The following SLC38A10 variants were observed in gnomAD, a reference collection of about 807,000 sequenced individuals.
The protein encoded by SLC38A10 is solute carrier family 38 member 10.
Under a neutral mutation model 81.0 loss-of-function variants are expected in SLC38A10, and 53 were observed. The observed-to-expected ratio is 0.65, with a 90% CI of 0.53 to 0.82. SLC38A10 has a LOEUF of 0.82. Ranked by LOEUF, SLC38A10 falls within the 40% of genes least tolerant of loss-of-function variation. SLC38A10 has a pLI of 0.00. For missense variants in SLC38A10, 1,471 were observed against 1,545.0 expected, an observed-to-expected ratio of 0.95 and a Z score of 0.80; for synonymous variants, 665 against 655.3, an observed-to-expected ratio of 1.01 and a Z score of -0.23.
chr17:81,262,569 A>T (rs951063563), intron 10 of SLC38A10, among the ~76,000 whole-genome samples: 2 of 152,234 alleles, frequency 1.3e-5, no homozygotes, highest in Non-Finnish European at 1.5e-5. Flanking sequence ...TACAAAAAAA[A>T]ATTTATCTCC....
intron 1 of SLC38A10, among the ~76,000 whole-genome samples, chr17:81,290,211 G>C (rs1471887079): frequency 6.6e-6 from 1 of 152,190 alleles, no homozygotes; most frequent in African/African-American, 2.4e-5. Flanking sequence ...GTTCTCATAA[G>C]TTAAATAGAC....
At chr17:81,273,763 G>A (rs2063137347) in intron 8 of SLC38A10, among the ~76,000 whole-genome samples, 1 of 152,292 alleles carries the variant, frequency 6.6e-6, no homozygotes, top group Non-Finnish European at 1.5e-5. Flanking sequence ...GAAGACTGTC[G>A]TGAGATGGTT....
chr17:81,246,056 C>A lies in SLC38A10; in HGVS notation c.2860G>T (p.Ala954Ser), dbSNP rs1284638241. ...CGCAGTTCCGGCTGGCGTAACACAGCCTGGGGCTGTGCAGCTGCTCCTTCC... is the reference window on the plus strand; with the variant it reads ...CGCAGTTCCGGCTGGCGTAACACAGACTGGGGCTGTGCAGCTGCTCCTTCC... ...GAEGAAAQPQAVLRQPELRVI... is the reference protein window; with the variant it reads ...GAEGAAAQPQSVLRQPELRVI... Residue 954 changes from alanine (A) to serine (S), a missense_variant, in exon 16 of 16, where the codon GCT (alanine) becomes TCT (serine). Transcript: ENST00000374759. 1 of 1,609,770 alleles carries A rather than the reference C, an allele frequency of 6.2e-7. No homozygotes were observed. The highest frequency in any genetic ancestry group is 2.2e-5 in the East Asian group (1 of 44,870).
At chr17:81,278,426 T>G (rs183714561) in intron 6 of SLC38A10, among the ~76,000 whole-genome samples, 10 of 152,252 alleles carry the variant, frequency 6.6e-5, no homozygotes, top group Non-Finnish European at 1.3e-4. Flanking sequence ...GAGAAGGTCC[T>G]GCCAGCAGCT....
chr17:81,292,494 C>A (rs1247925484), intron 1 of SLC38A10, among the ~76,000 whole-genome samples: 4 of 152,012 alleles, frequency 2.6e-5, no homozygotes, highest in Non-Finnish European at 4.4e-5. Flanking sequence ...TTTTTCAATG[C>A]CAAGGCTGCC....
At position 81,245,856 on chromosome 17, in the gene SLC38A10, CAGCTCT is replaced by C; in HGVS notation, c.3054_3059del (p.Glu1019_Leu1020del). 6.2e-7 allele frequency: 1 copy of C among 1,612,262 alleles called. No homozygotes were observed. Among genetic ancestry groups the C allele is most frequent in the Non-Finnish European group, 8.5e-7 (1 of 1,179,616 alleles). On this transcript the variant is annotated inframe_deletion, in exon 16 of 16. Transcript: ENST00000374759. ...CCCCCGGGACAGCTCGTTTGAGCCC[CAGCTCT>C]GGCTCTGGCCTCTGCCTGGGCTCCT...
At chr17:81,254,630 G>C (rs947409823) in intron 11 of SLC38A10, among the ~76,000 whole-genome samples, 4 of 152,198 alleles carry the variant, frequency 2.6e-5, no homozygotes, top group African/African-American at 9.6e-5. Context: ...ATCTTTAGTA[G>C]AGACAGGGTT....
At chr17:81,266,671 TC>T (rs1473543614) in intron 10 of SLC38A10, among the ~76,000 whole-genome samples, 1 of 146,474 alleles carries the variant, frequency 6.8e-6, no homozygotes, top group Non-Finnish European at 1.5e-5. Context: ...GGAAAAGAGA[TC>T]CCAGGATAGC....
In SLC38A10 at chr17:81,265,619, A is replaced by G. The variant is rs1006622226; in HGVS notation, c.1132-5225T>C. ...TCTTCCTGAGGTCCCTGGGCTGGGT[A>G]CAGGCACCATATCGCTGAGAGTACT... On this transcript the variant is annotated intron_variant, in intron 10 of 15. Transcript: ENST00000374759. The surrounding 1 kb of genome is among the most constrained non-coding windows in gnomAD (Gnocchi z 4.2). 3.3e-5 allele frequency among the ~76,000 whole-genome samples: 5 copies of G among 152,172 alleles called. No homozygotes were observed. Among genetic ancestry groups the G allele is most frequent in the Non-Finnish European group, 7.4e-5 (5 of 68,022 alleles).
chr17:81,257,635 G>C lies in SLC38A10; in HGVS notation c.1288+2603C>G, dbSNP rs570795633. Among the ~76,000 whole-genome samples, 19 of 152,320 alleles carry C rather than the reference G, an allele frequency of 1.2e-4. No homozygotes were observed. In the South Asian group the frequency reaches 3.3e-3, roughly 27 times the overall value. ...CATGGGGGCTGTGTGTCCCCGCTTG[G>C]GCCTGAGCACACAGAACTGTGGCCA... On this transcript the variant is annotated intron_variant, in intron 11 of 15. Transcript: ENST00000374759.
chr17:81,246,380 C>A lies in SLC38A10; in HGVS notation c.2536G>T (p.Gly846Cys). ...GQKDAAPRAAGTVKELPKGPE... is the reference protein window; with the variant it reads ...GQKDAAPRAACTVKELPKGPE... ...CCCTTGGGGAGCTCCTTCACAGTGC[C>A]AGCTGCCCTGGGGGCGGCATCCTTC... The change falls in exon 16 of 16, where the codon GGC (glycine) becomes TGC (cysteine). Residue 846 changes from glycine (G) to cysteine (C), a missense_variant. This residue lies in a region of SLC38A10 where 751 missense variants were observed against 717.4 expected (regional missense o/e 1.05). Coordinates refer to ENST00000374759, the MANE Select transcript of SLC38A10 (RefSeq NM_001037984.3). The A allele has an allele frequency of 1.2e-6, 2 of 1,601,290 alleles. No individual in the cohort carries two copies. Among genetic ancestry groups the A allele is most frequent in the East Asian group, 2.2e-5 (1 of 44,758 alleles).
intron 1 of SLC38A10, among the ~76,000 whole-genome samples, chr17:81,290,201 G>A (rs750540633): frequency 7.9e-5 from 12 of 152,148 alleles, no homozygotes; most frequent in South Asian, 2.1e-4. Flanking sequence ...CATTTTCCCC[G>A]TTCTCATAAG....
At chr17:81,273,959 C>T (rs1158740378) in intron 8 of SLC38A10, among the ~76,000 whole-genome samples, 3 of 152,210 alleles carry the variant, frequency 2.0e-5, no homozygotes, top group Non-Finnish European at 2.9e-5. Flanking sequence ...CAGCCACGGG[C>T]GCTGACGGAG....
chr17:81,253,510 G>A lies in SLC38A10; in HGVS notation c.1289-270C>T, dbSNP rs757205170. On this transcript the variant is annotated intron_variant, in intron 11 of 15. Transcript: ENST00000374759. The surrounding 1 kb of genome is among the most constrained non-coding windows in gnomAD (Gnocchi z 4.1). The stretch of plus-strand genomic sequence containing the variant: ...TACTCAGTCATTACCACCAGATGGC[G>A]GCACGAGCCCACCGACCCACTCTCC... 6.6e-5 allele frequency among the ~76,000 whole-genome samples: 10 copies of A among 151,842 alleles called. No individual in the cohort carries two copies. The highest frequency in any genetic ancestry group is 3.9e-4 in the Admixed American group (6 of 15,234).
Position 81,265,995 on chromosome 17 carries a change from A to G in SLC38A10, c.1131+4923T>C, listed in dbSNP as rs1321404842. ...GACATGGCAAAGCAGGCACAGAGAG[A>G]TGCTTCTTTCACCCAATTCTGTGTG... On this transcript the variant is annotated intron_variant, in intron 10 of 15. Transcript: ENST00000374759. The surrounding 1 kb of genome is among the most constrained non-coding windows in gnomAD (Gnocchi z 4.2). Among the ~76,000 whole-genome samples the G allele has an allele frequency of 6.6e-6, 1 of 152,218 alleles. No homozygotes were observed. Among genetic ancestry groups the G allele is most frequent in the Non-Finnish European group, 1.5e-5 (1 of 68,032 alleles).
Position 81,245,626 on chromosome 17 carries a change from G to T in SLC38A10, c.3290C>A (p.Ala1097Glu), listed in dbSNP as rs778072047. The change falls in exon 16 of 16, where the codon GCG becomes GAG. Residue 1097 changes from alanine to glutamate, a missense_variant. By Grantham distance (107) the Ala-to-Glu change is moderately radical. Coordinates refer to ENST00000374759, the MANE Select transcript of SLC38A10 (RefSeq NM_001037984.3). ...GALDAQLRQAAGGALQVVHSR... is the reference protein window; with the variant it reads ...GALDAQLRQAEGGALQVVHSR... ...GTGGACCACCTGCAGAGCTCCCCCCGCAGCCTGGCGGAGCTGGGCATCCAG... is the reference window on the plus strand; with the variant it reads ...GTGGACCACCTGCAGAGCTCCCCCCTCAGCCTGGCGGAGCTGGGCATCCAG... 6.2e-7 allele frequency: 1 copy of T among 1,612,220 alleles called. No homozygotes were observed. Among genetic ancestry groups the T allele is most frequent in the Non-Finnish European group, 8.5e-7 (1 of 1,179,748 alleles).
chr17:81,278,084 C>T (rs980907109), intron 6 of SLC38A10, among the ~76,000 whole-genome samples: 6 of 152,152 alleles, frequency 3.9e-5, no homozygotes, highest in Admixed American at 3.9e-4. Flanking sequence ...ACCAGCACAG[C>T]GGCCAGCGGA....
Position 81,277,270 on chromosome 17 carries a change from T to C in SLC38A10, c.627-137A>G. 1.3e-6 allele frequency: 1 copy of C among 758,418 alleles called. No individual in the cohort carries two copies. The highest frequency in any genetic ancestry group is 1.6e-5 in the South Asian group (1 of 61,966). 47.0% of individuals were successfully genotyped at this position (758,418 alleles called of 1,614,324 possible). A position where few individuals can be genotyped will look rare whatever the true frequency, so the allele number is the denominator to read the frequency against. ...TGCAACATTCTCTGCACACTGGAAG[T>C]CCCAGCGCTGAGGCCAGGACTTGGT... On this transcript the variant is annotated intron_variant, in intron 6 of 15. Coordinates refer to ENST00000374759, the MANE Select transcript of SLC38A10 (RefSeq NM_001037984.3). The surrounding 1 kb of genome is among the most constrained non-coding windows in gnomAD (Gnocchi z 4.5).
chr17:81,272,735 C>A, intron 8 of SLC38A10, 108 bp from the exon 9 acceptor site: 5 of 705,274 alleles, frequency 7.1e-6, no homozygotes, highest in South Asian at 6.5e-5. Flanking sequence ...CACATCTCCA[C>A]GTGAGGCCGG....
Sources: allele counts gnomAD v4.1 joint callset (sites outside exome capture counted in the v4.1 genomes callset), GRCh38; gene constraint gnomAD v4.1.1; regional missense constraint gnomAD v4.1.1; non-coding constraint Gnocchi (gnomAD v3.1); transcripts MANE v1.5; gene names NCBI Gene and HGNC (gene_info 2026-07-23, HGNC 2026-07-21).